The following OSBPL6 variants were observed in gnomAD, a reference collection of about 807,000 sequenced individuals.
OSBPL6 encodes oxysterol-binding protein-related protein 6.
In OSBPL6, 49 loss-of-function variants were observed where a neutral mutation model predicts 125.8. The ratio of observed to expected loss-of-function variants is 0.39; its 90% CI spans 0.31 to 0.49. The LOEUF (loss-of-function observed/expected upper bound fraction) is 0.49. OSBPL6 is among the 20% of genes least tolerant of loss of function. The pLI, the probability that OSBPL6 is intolerant of heterozygous loss-of-function variation, is 0.88. For missense variants in OSBPL6, 986 were observed against 1,135.4 expected, an observed-to-expected ratio of 0.87 and a Z score of 1.89; for synonymous variants, 394 against 391.8, an observed-to-expected ratio of 1.01 and a Z score of -0.07.
At chr2:178,258,759 A>C (rs1367760063) in intron 1 of OSBPL6, among the ~76,000 whole-genome samples, 2 of 83,148 alleles carry the variant, frequency 2.4e-5, no homozygotes, top group African/African-American at 2.4e-4. Flanking sequence ...GGCTGTTTTG[A>C]CTTTTTTTTT....
chr2:178,240,461 G>A (rs559204295), intron 1 of OSBPL6, among the ~76,000 whole-genome samples: 39 of 152,244 alleles, frequency 2.6e-4, no homozygotes, highest in African/African-American at 9.1e-4. Context: ...TCAGCTACTA[G>A]GAAGGCTGAG....
At chr2:178,270,682 T>G (rs2092357678) in intron 1 of OSBPL6, among the ~76,000 whole-genome samples, 1 of 152,214 alleles carries the variant, frequency 6.6e-6, no homozygotes, top group South Asian at 2.1e-4. Context: ...TTTAATCTTT[T>G]GGGGATGTAA....
At chr2:178,312,056 A>G (rs1687320056) in intron 3 of OSBPL6, among the ~76,000 whole-genome samples, 1 of 150,224 alleles carries the variant, frequency 6.7e-6, no homozygotes, top group Non-Finnish European at 1.5e-5. Context: ...ATCTCAGCTC[A>G]CTGGAGCCTT....
intron 1 of OSBPL6, among the ~76,000 whole-genome samples, chr2:178,257,082 TC>T (rs1163018871): frequency 6.6e-6 from 1 of 152,220 alleles, no homozygotes; most frequent in African/African-American, 2.4e-5. Context: ...TATCTAGCTT[TC>T]CAGTTTCTAA....
At chr2:178,329,438 A>G (rs1005153101) in intron 5 of OSBPL6, among the ~76,000 whole-genome samples, 2 of 148,472 alleles carry the variant, frequency 1.3e-5, no homozygotes, top group Non-Finnish European at 1.5e-5. Context: ...TTTTTGAGAC[A>G]GAGTCTCACT....
intron 1 of OSBPL6, among the ~76,000 whole-genome samples, chr2:178,207,120 T>C (rs957083367): frequency 2.0e-5 from 3 of 152,156 alleles, no homozygotes; most frequent in Non-Finnish European, 2.9e-5. Context: ...TGGTCTTGTG[T>C]GGGTGCACCT....
rs1276116954 is a variant in OSBPL6 at position 178,400,379 on chromosome 2, CAGGTTCA to C, written c.*4824_*4830del. 5 of 151,920 alleles carry C rather than the reference CAGGTTCA, an allele frequency of 3.3e-5. No homozygotes were observed. Among genetic ancestry groups the C allele is most frequent in the African/African-American group, 1.2e-4 (5 of 41,304 alleles). The allele number at this position is 151,920 out of a possible 1,614,324, so 9.4% of individuals were successfully genotyped here. On this transcript the variant is annotated 3_prime_UTR_variant, in exon 25 of 25. Coordinates refer to ENST00000190611, the MANE Select transcript of OSBPL6 (RefSeq NM_032523.4). ...TCGGCTCACTGCAGCCTCCGCCTCCCAGGTTCAAGGGATTCTTGTGCCTCAGCCTCCC... is the reference window on the plus strand; with the variant it reads ...TCGGCTCACTGCAGCCTCCGCCTCCCAGGGATTCTTGTGCCTCAGCCTCCC...
intron 1 of OSBPL6, among the ~76,000 whole-genome samples, chr2:178,255,316 A>G (rs1574645586): frequency 6.6e-6 from 1 of 152,228 alleles, no homozygotes; most frequent in African/African-American, 2.4e-5. Context: ...TCAAAAACAA[A>G]AAACAAAAAA....
At chr2:178,273,437 A>C (rs1469018547) in intron 1 of OSBPL6, among the ~76,000 whole-genome samples, 1 of 152,040 alleles carries the variant, frequency 6.6e-6, no homozygotes, top group African/African-American at 2.4e-5. Context: ...AAAAATAGCC[A>C]GGCATGGTGG....
At chr2:178,243,647 GT>G (rs1041279940) in intron 1 of OSBPL6, among the ~76,000 whole-genome samples, 10 of 151,946 alleles carry the variant, frequency 6.6e-5, no homozygotes, top group African/African-American at 2.4e-4. Context: ...TTCATTCTGG[GT>G]TTTTTTGTTT....
rs71023440 is a variant in OSBPL6 at position 178,310,412 on chromosome 2, C to CTTTTTTT, written c.102+4143_102+4149dup. 3.6e-4 allele frequency among the ~76,000 whole-genome samples: 31 copies of CTTTTTTT among 85,692 alleles called. 1 individual carries two copies. Among genetic ancestry groups the CTTTTTTT allele is most frequent in the South Asian group, 1.3e-3 (3 of 2,292 alleles). 56.2% of individuals were successfully genotyped at this position (85,692 alleles called of 152,430 possible). The stretch of plus-strand genomic sequence containing the variant: ...AGTTTAACATGCCCAAAACTGAACT[C>CTTTTTTT]TTTTTTTTTTTTTTTTTTTTTTTGA... On this transcript the variant is annotated intron_variant, in intron 3 of 24. Coordinates refer to ENST00000190611, the MANE Select transcript of OSBPL6 (RefSeq NM_032523.4).
At chr2:178,315,499 A>C (rs1687654805) in intron 3 of OSBPL6, among the ~76,000 whole-genome samples, 1 of 152,222 alleles carries the variant, frequency 6.6e-6, no homozygotes, top group African/African-American at 2.4e-5. Context: ...ACAGATACTC[A>C]TTACCCACAG....
chr2:178,284,185 C>A (rs913123016), intron 1 of OSBPL6, among the ~76,000 whole-genome samples: 3 of 151,978 alleles, frequency 2.0e-5, no homozygotes, highest in African/African-American at 7.3e-5. Context: ...ACTGTTCATG[C>A]GTTTTTTTCA....
chr2:178,333,078 G>A, intron 8 of OSBPL6, 37 bp downstream of exon 8: 8 of 1,607,470 alleles, frequency 5.0e-6, no homozygotes, highest in Non-Finnish European at 6.0e-6. Context: ...CCTGAAAATT[G>A]CTTAGAAAAT....
chr2:178,371,170 C>T (rs1050277071), intron 13 of OSBPL6, among the ~76,000 whole-genome samples: 3 of 152,186 alleles, frequency 2.0e-5, no homozygotes, highest in South Asian at 4.1e-4. Context: ...GAAAAGAAGA[C>T]TATCTTTTCT....
intron 2 of OSBPL6, among the ~76,000 whole-genome samples, chr2:178,303,299 C>T (rs1412774486): frequency 3.9e-5 from 6 of 152,140 alleles, no homozygotes; most frequent in Admixed American, 2.6e-4. Flanking sequence ...ATTTTTCCTG[C>T]GGTGACAGTG....
chr2:178,210,824 ACACAC>A (rs1432186693), intron 1 of OSBPL6, among the ~76,000 whole-genome samples: 6 of 103,396 alleles, frequency 5.8e-5, no homozygotes, highest in South Asian at 3.1e-4. Flanking sequence ...AAAAAAAAAA[ACACAC>A]ACACACACAC....
At chr2:178,292,015 G>A (rs1462929771) in intron 2 of OSBPL6, among the ~76,000 whole-genome samples, 1 of 151,960 alleles carries the variant, frequency 6.6e-6, no homozygotes, top group East Asian at 1.9e-4. Flanking sequence ...CTCATGTCAT[G>A]GGGGTTTGTT....
In OSBPL6 at chr2:178,331,712, A is replaced by G. The variant is rs373213644; in HGVS notation, c.372+107A>G. On this transcript the variant is annotated intron_variant, in intron 6 of 24. Coordinates refer to ENST00000190611, the MANE Select transcript of OSBPL6 (RefSeq NM_032523.4). ...TGTGCCATAGTTACCAGCTTTGTGCATGTCTGGGCCTGTAAGATTTCACAA... is the reference window on the plus strand; with the variant it reads ...TGTGCCATAGTTACCAGCTTTGTGCGTGTCTGGGCCTGTAAGATTTCACAA... The G allele has an allele frequency of 1.2e-4, 145 of 1,193,544 alleles. 2 individuals are homozygous for G. In the East Asian group the frequency reaches 2.0e-3, roughly 17 times the overall value. The allele number at this position is 1,193,544 out of a possible 1,614,324, so 73.9% of individuals were successfully genotyped here.
Sources: gnomAD v4.1 joint callset for allele counts (sites outside exome capture counted in the v4.1 genomes callset) on GRCh38, gnomAD v4.1.1 for gene constraint, MANE v1.5 for transcripts, NCBI Gene and HGNC (gene_info 2026-07-23, HGNC 2026-07-21) for gene names.